Variants in ZAR1 observed in about 807,000 individuals in gnomAD.
The protein encoded by ZAR1 is zygote arrest protein 1.
Under a neutral mutation model 38.3 loss-of-function variants are expected in ZAR1, and 37 were observed. The ratio of observed to expected loss-of-function variants is 0.97; its 90% CI spans 0.74 to 1.27. The LOEUF is 1.27. Among genes scored for constraint, ZAR1 ranks in the 50% most tolerant of loss-of-function variants. The pLI is 0.00. For missense variants in ZAR1, 651 were observed against 632.4 expected (o/e 1.03, Z -0.32); for synonymous variants, 336 against 292.0 (o/e 1.15, Z -1.53).
At chr4:48,494,968 T>G (rs1465207133), downstream of ZAR1, among the ~76,000 whole-genome samples, 1 of 152,220 alleles carries the variant, frequency 6.6e-6, no homozygotes, top group East Asian at 1.9e-4. Flanking sequence ...AGCTAGCTGC[T>G]TTTAAGACAC....
In ZAR1 at chr4:48,491,153, G is replaced by C; in HGVS notation, c.862G>C (p.Gly288Arg). Residue 288 changes from glycine to arginine, a missense_variant, in exon 1 of 4, where the codon GGG becomes CGG. Around this residue, in one of 2 missense-constraint regions of ZAR1, gnomAD observed 522 missense variants for 459.9 expected, o/e 1.14. Coordinates refer to ENST00000327939, the MANE Select transcript of ZAR1 (RefSeq NM_175619.3). ...GAGCCCGGGGCAACCTCCGTCGGCG[G>C]GGAGGGCCCGAGACGGCGGCGACGG... is the stretch of plus-strand genomic sequence containing the variant. ...LRSPGQPPSA[G>R]RARDGGDGRE... 1 of 1,241,178 alleles carries C rather than the reference G, an allele frequency of 8.1e-7. No individual in the cohort carries two copies. The highest frequency in any genetic ancestry group is 1.0e-6 in the Non-Finnish European group (1 of 994,296). 76.9% of individuals were successfully genotyped at this position (1,241,178 alleles called of 1,614,324 possible). A position where few individuals can be genotyped will look rare whatever the true frequency, so the allele number is the denominator to read the frequency against.
chr4:48,492,890 G>T (rs1403022893), intron 2 of ZAR1, 32 bp downstream of exon 2: 2 of 1,613,892 alleles, frequency 1.2e-6, no homozygotes, highest in Non-Finnish European at 1.7e-6. Flanking sequence ...GCATCTTCTT[G>T]CTGAAAGTGT....
rs966878677 is a variant in ZAR1 at position 48,491,022 on chromosome 4, A to T, written c.731A>T (p.Glu244Val). The T allele has an allele frequency of 3.7e-6, 5 of 1,361,524 alleles. No homozygotes were observed. Among genetic ancestry groups the T allele is most frequent in the Non-Finnish European group, 4.7e-6 (5 of 1,062,008 alleles). 84.3% of individuals were successfully genotyped at this position (1,361,524 alleles called of 1,614,324 possible). ...PRRPQSDDDG[E>V]AQAAVRASWE... ...CGGCCGCAGTCCGACGACGACGGCGAGGCCCAGGCCGCAGTCCGAGCGAGC... is the reference window on the plus strand; with the variant it reads ...CGGCCGCAGTCCGACGACGACGGCGTGGCCCAGGCCGCAGTCCGAGCGAGC... Residue 244 changes from glutamate to valine, a missense_variant, in exon 1 of 4, where the codon GAG becomes GTG. Physicochemically the swap from Glu to Val is moderately radical, Grantham distance 121. Coordinates refer to ENST00000327939, the MANE Select transcript of ZAR1 (RefSeq NM_175619.3).
rs767554974 is a variant in ZAR1, at chr4:48,490,854, G to T, written c.563G>T (p.Arg188Leu). 2 of 1,475,876 alleles carry T rather than the reference G, an allele frequency of 1.4e-6. No individual in the cohort carries two copies. The highest frequency in any genetic ancestry group is 1.8e-6 in the Non-Finnish European group (2 of 1,119,342). The allele number at this position is 1,475,876 out of a possible 1,614,324, so 91.4% of individuals were successfully genotyped here. The change falls in exon 1 of 4, where the codon CGC becomes CTC. Residue 188 changes from arginine to leucine, a missense_variant. Around this residue, in one of 2 missense-constraint regions of ZAR1, gnomAD observed 522 missense variants for 459.9 expected, o/e 1.14. Transcript: ENST00000327939. ...TVAVYSPLAL[R>L]RLTAFLEGPG... The stretch of plus-strand genomic sequence containing the variant: ...GCCGTGTACTCGCCCCTGGCCTTGC[G>T]CCGTCTCACCGCCTTCCTGGAGGGG...
At chr4:48,496,772 C>T (rs1560484887), downstream of ZAR1, among the ~76,000 whole-genome samples, 2 of 152,150 alleles carry the variant, frequency 1.3e-5, no homozygotes, top group African/African-American at 2.4e-5. Flanking sequence ...TAGTTTTCTT[C>T]ATATTTCCTT....
rs1367848956 is a variant in ZAR1 at position 48,491,032 on chromosome 4, C to T, written c.741C>T (p.Ala247=). 2.5e-5 allele frequency: 34 copies of T among 1,361,742 alleles called. No homozygotes were observed. The highest frequency in any genetic ancestry group is 2.9e-5 in the Non-Finnish European group (31 of 1,062,516). The allele number at this position is 1,361,742 out of a possible 1,614,324, so 84.4% of individuals were successfully genotyped here. The part of the protein sequence containing the change: ...PQSDDDGEAQ[A]AVRASWEQPA... ...CCGACGACGACGGCGAGGCCCAGGCCGCAGTCCGAGCGAGCTGGGAGCAGC... is the reference window on the plus strand; with the variant it reads ...CCGACGACGACGGCGAGGCCCAGGCTGCAGTCCGAGCGAGCTGGGAGCAGC... Residue 247 remains alanine, a synonymous_variant, in exon 1 of 4, where the codon GCC becomes GCT. Transcript: ENST00000327939.
chr4:48,491,372 A>G, intron 1 of ZAR1, 118 bp downstream of exon 1: 1 of 719,498 alleles, frequency 1.4e-6, no homozygotes, highest in Non-Finnish European at 1.9e-6. Context: ...AGCGTGGGCT[A>G]CTTCCGTATT....
At chr4:48,494,555 G>T (rs1052542549), downstream of ZAR1, among the ~76,000 whole-genome samples, 5 of 152,084 alleles carry the variant, frequency 3.3e-5, no homozygotes, top group African/African-American at 1.2e-4. Context: ...ATTTAGGGGG[G>T]TGCTTGTAGA....
At position 48,491,000 on chromosome 4, in the gene ZAR1, C is replaced by T. The variant is rs1718422232; in HGVS notation, c.709C>T (p.Pro237Ser). ...GTGGACGAAGAAGGCGCCCCGGCGG[C>T]CGCAGTCCGACGACGACGGCGAGGC... ...EVWTKKAPRRPQSDDDGEAQA... is the reference protein window; with the variant it reads ...EVWTKKAPRRSQSDDDGEAQA... Residue 237 changes from proline (P) to serine (S), a missense_variant, in exon 1 of 4, where the codon CCG becomes TCG. By Grantham distance (74) the Pro-to-Ser change is moderately conservative. Coordinates refer to ENST00000327939, the MANE Select transcript of ZAR1 (RefSeq NM_175619.3). 3 of 1,362,704 alleles carry T rather than the reference C, an allele frequency of 2.2e-6. No homozygotes were observed. Among genetic ancestry groups the T allele is most frequent in the Admixed American group, 3.6e-5 (1 of 27,594 alleles). 84.4% of individuals were successfully genotyped at this position (1,362,704 alleles called of 1,614,324 possible).
chr4:48,490,774 G>T lies in ZAR1; in HGVS notation c.483G>T (p.Glu161Asp). The change falls in exon 1 of 4, where the codon GAG becomes GAT. Residue 161 changes from glutamate (E) to aspartate (D), a missense_variant. Glu to Asp is a conservative substitution (Grantham distance 45). Transcript: ENST00000327939. ...AGCAGCCATCCCGTCGAGGCCTGGA[G>T]CAGGGCAGCCCCCAGAACGGCGCCC... is the stretch of plus-strand genomic sequence containing the variant. ...FSQQPSRRGL[E>D]QGSPQNGAPR... 1 of 1,488,130 alleles carries T rather than the reference G, an allele frequency of 6.7e-7. No individual in the cohort carries two copies. The highest frequency in any genetic ancestry group is 8.9e-7 in the Non-Finnish European group (1 of 1,124,962). The allele number at this position is 1,488,130 out of a possible 1,614,324, so 92.2% of individuals were successfully genotyped here.
At chr4:48,492,172 C>A (rs1302847414) in intron 1 of ZAR1, among the ~76,000 whole-genome samples, 3 of 152,132 alleles carry the variant, frequency 2.0e-5, no homozygotes, top group African/African-American at 7.2e-5. Context: ...TTAAGTGCTC[C>A]CCAGAGTTCC....
At position 48,494,235 on chromosome 4, in the gene ZAR1, C is replaced by T. The variant is rs1159222936; in HGVS notation, c.1266C>T (p.Tyr422=). Reference sequence around the variant, plus strand: ...GTGACAGCACTTTCAGCTTCAAATACATCATTTAGGTGAAAGTCAGTGTTG... The same window carrying T: ...GTGACAGCACTTTCAGCTTCAAATATATCATTTAGGTGAAAGTCAGTGTTG... ...LSCDSTFSFK[Y]II is the part of the protein sequence containing the mutation. Residue 422 remains tyrosine, a synonymous_variant, in exon 4 of 4, where the codon TAC becomes TAT. Transcript: ENST00000327939. 6.2e-7 allele frequency: 1 copy of T among 1,614,124 alleles called. No individual in the cohort carries two copies. The highest frequency in any genetic ancestry group is 1.1e-5 in the South Asian group (1 of 91,078).
chr4:48,490,326 A>T lies in ZAR1; in HGVS notation c.35A>T (p.Tyr12Phe). ...AALGDEVLDG[Y>F]VFPACPPCSY... is the part of the protein sequence containing the mutation. The stretch of plus-strand genomic sequence containing the variant: ...CTGGGGGACGAGGTGCTGGACGGTT[A>T]CGTGTTCCCGGCGTGCCCCCCCTGC... The change falls in exon 1 of 4, where the codon TAC becomes TTC. Residue 12 changes from tyrosine (Y) to phenylalanine (F), a missense_variant. This residue lies in a region of ZAR1 where 522 missense variants were observed against 459.9 expected (regional missense o/e 1.14). Transcript: ENST00000327939. 6.6e-7 allele frequency: 1 copy of T among 1,513,474 alleles called. No individual in the cohort carries two copies. The highest frequency in any genetic ancestry group is 8.8e-7 in the Non-Finnish European group (1 of 1,136,922). The allele number at this position is 1,513,474 out of a possible 1,614,324, so 93.8% of individuals were successfully genotyped here.
At chr4:48,496,716 G>C (rs752674036), downstream of ZAR1, among the ~76,000 whole-genome samples, 1 of 152,226 alleles carries the variant, frequency 6.6e-6, no homozygotes, top group Non-Finnish European at 1.5e-5. Context: ...TGAGAGGTTA[G>C]AAGGAAATAC....
chr4:48,492,598 A>AT (rs1718474560), intron 1 of ZAR1, among the ~76,000 whole-genome samples, 168 bp from the exon 2 acceptor site: 1 of 152,226 alleles, frequency 6.6e-6, no homozygotes, highest in Admixed American at 6.5e-5. Flanking sequence ...TGACTAGGCT[A>AT]TTAAGCTCAC....
downstream of ZAR1, among the ~76,000 whole-genome samples, chr4:48,497,030 T>C (rs1248264018): frequency 6.6e-6 from 1 of 152,182 alleles, no homozygotes; most frequent in East Asian, 1.9e-4. Flanking sequence ...CCCTCTATTT[T>C]ACATCACTAA....
chr4:48,494,223 C>G lies in ZAR1; in HGVS notation c.1254C>G (p.Phe418Leu). The G allele has an allele frequency of 6.2e-7, 1 of 1,614,200 alleles. No individual in the cohort carries two copies. Among genetic ancestry groups the G allele is most frequent in the Non-Finnish European group, 8.5e-7 (1 of 1,180,038 alleles). ...KGKRLSCDSTFSFKYII is the reference protein window; with the variant it reads ...KGKRLSCDSTLSFKYII Reference sequence around the variant, plus strand: ...AACGCCTGTCCTGTGACAGCACTTTCAGCTTCAAATACATCATTTAGGTGA... The same window carrying G: ...AACGCCTGTCCTGTGACAGCACTTTGAGCTTCAAATACATCATTTAGGTGA... The change falls in exon 4 of 4, where the codon TTC becomes TTG. Residue 418 changes from phenylalanine to leucine, a missense_variant. By Grantham distance (22) the Phe-to-Leu change is conservative (BLOSUM62 0). Transcript: ENST00000327939.
In ZAR1 at chr4:48,490,703, G is replaced by A. The variant is rs529585784; in HGVS notation, c.412G>A (p.Ala138Thr). The change falls in exon 1 of 4, where the codon GCC (alanine) becomes ACC (threonine). Residue 138 changes from alanine (A) to threonine (T), a missense_variant. Coordinates refer to ENST00000327939, the MANE Select transcript of ZAR1 (RefSeq NM_175619.3). The stretch of plus-strand genomic sequence containing the variant: ...CCGGGCCCGCGACCCCGAGTCCCCG[G>A]CCGGCCCCGGGGCCGAGGGCACCAC... ...QRRARDPESP[A>T]GPGAEGTTGG... The A allele has an allele frequency of 3.3e-5, 44 of 1,325,464 alleles. No homozygotes were observed. The African/African-American group carries it at 5.8e-4, about 18-fold the overall frequency. 82.1% of individuals were successfully genotyped at this position (1,325,464 alleles called of 1,614,324 possible).
At chr4:48,491,689 C>T (rs1718447825) in intron 1 of ZAR1, among the ~76,000 whole-genome samples, 1 of 152,272 alleles carries the variant, frequency 6.6e-6, no homozygotes, top group Non-Finnish European at 1.5e-5. Context: ...AACCCTTCAA[C>T]TGCTGGGATT....
Sources: gnomAD v4.1 joint callset for allele counts (sites outside exome capture counted in the v4.1 genomes callset) on GRCh38, gnomAD v4.1.1 for gene constraint, gnomAD v4.1.1 regional missense constraint, MANE v1.5 for transcripts, NCBI Gene and HGNC (gene_info 2026-07-23, HGNC 2026-07-21) for gene names.